The following GPR19 variants were observed in gnomAD, a reference collection of about 807,000 sequenced individuals.
The protein encoded by GPR19 is probable G protein-coupled receptor 19.
Under a neutral mutation model 28.5 loss-of-function variants are expected in GPR19, and 14 were observed. The ratio of observed to expected loss-of-function variants is 0.49; its 90% CI spans 0.32 to 0.77. The LOEUF (loss-of-function observed/expected upper bound fraction) is 0.77, where lower values mean the gene tolerates loss of function less well. Ranked by LOEUF, GPR19 falls within the 30% of genes least tolerant of loss-of-function variation. The probability of loss-of-function intolerance (pLI) is 0.03; values close to 1 mark genes in which losing one functional copy is unlikely to be tolerated. For missense variants in GPR19, 409 were observed against 504.1 expected, an observed-to-expected ratio of 0.81 and a Z score of 1.81; for synonymous variants, 173 against 184.1, an observed-to-expected ratio of 0.94 and a Z score of 0.49.
At chr12:12,663,603 G>A (rs1945714835) in intron 3 of GPR19, among the ~76,000 whole-genome samples, 2 of 152,054 alleles carry the variant, frequency 1.3e-5, no homozygotes, top group South Asian at 2.1e-4. Context: ...AAATAGTTGT[G>A]GGTCATTCAA....
At chr12:12,668,629 T>C (rs938714495) in intron 3 of GPR19, among the ~76,000 whole-genome samples, 1 of 151,784 alleles carries the variant, frequency 6.6e-6, no homozygotes, top group African/African-American at 2.4e-5. Context: ...TTTAAAAATT[T>C]AATGTCAAAC....
At position 12,661,019 on chromosome 12, in the gene GPR19, T is replaced by C; in HGVS notation, c.*182A>G. The C allele has an allele frequency of 5.6e-6, 3 of 537,278 alleles. No individual in the cohort carries two copies. The South Asian group carries it at 9.4e-5, about 17-fold the overall frequency. The allele number at this position is 537,278 out of a possible 1,614,324, so 33.3% of individuals were successfully genotyped here. A position where few individuals can be genotyped will look rare whatever the true frequency, so the allele number is the denominator to read the frequency against. On this transcript the variant is annotated 3_prime_UTR_variant, in exon 4 of 4. Transcript: ENST00000651487. This position sits in a 1 kb window ranked among gnomAD's most constrained non-coding sequence, Gnocchi z 4.2. Reference sequence around the variant, plus strand: ...GGCTAAAGTTCAAAGTGAACGCTTTTCCTAAAACATAAAAAGCAAGTAAAA... The same window carrying C: ...GGCTAAAGTTCAAAGTGAACGCTTTCCCTAAAACATAAAAAGCAAGTAAAA...
At chr12:12,685,283 G>T (rs967327078) in intron 2 of GPR19, among the ~76,000 whole-genome samples, 8 of 100,662 alleles carry the variant, frequency 7.9e-5, no homozygotes, top group South Asian at 3.3e-4. Flanking sequence ...TTTTTTTGGT[G>T]GGGGGGAGGG....
chr12:12,670,045 A>G (rs1355011111), intron 3 of GPR19, among the ~76,000 whole-genome samples: 1 of 152,156 alleles, frequency 6.6e-6, no homozygotes, highest in Non-Finnish European at 1.5e-5. Context: ...AAAGACTGAT[A>G]TGAACATTAG....
chr12:12,675,654 G>A (rs1314639176), intron 3 of GPR19, among the ~76,000 whole-genome samples: 3 of 152,156 alleles, frequency 2.0e-5, no homozygotes, highest in Non-Finnish European at 4.4e-5. Context: ...GAATTGACAT[G>A]CTATTGCAGG....
intron 2 of GPR19, among the ~76,000 whole-genome samples, chr12:12,693,768 T>G (rs555298048): frequency 2.6e-5 from 4 of 152,208 alleles, no homozygotes; most frequent in Non-Finnish European, 5.9e-5. Context: ...AGTGGCACGA[T>G]CTCGGCTGAC....
chr12:12,685,112 C>G (rs546359551), intron 2 of GPR19: 1 of 152,234 alleles, frequency 6.6e-6, no homozygotes, highest in South Asian at 2.1e-4. Context: ...TAAACCACAC[C>G]ATATGTTTAG....
chr12:12,680,099 C>T (rs997753430), intron 3 of GPR19, among the ~76,000 whole-genome samples: 5 of 151,978 alleles, frequency 3.3e-5, no homozygotes, highest in Non-Finnish European at 7.4e-5. Flanking sequence ...TTTTCATTAT[C>T]CTTTTATACT....
intron 3 of GPR19, chr12:12,669,035 A>C (rs1340050358): frequency 6.6e-6 from 1 of 152,224 alleles, no homozygotes; most frequent in African/African-American, 2.4e-5. Context: ...TCAGAGAGTC[A>C]AATTGGCTGT....
chr12:12,709,170 T>C, the GPR19 span, among the ~76,000 whole-genome samples: 12 of 152,130 alleles, frequency 7.9e-5, no homozygotes, highest in African/African-American at 2.9e-4. Context: ...CACAGTGCTA[T>C]AGAACGTAAA....
chr12:12,716,858 C>A, the GPR19 span: 17 of 984,356 alleles, frequency 1.7e-5, no homozygotes, highest in Admixed American at 7.4e-4. Context: ...CCAGCCCCCC[C>A]AGCAAACGCT....
At chr12:12,694,563 C>T (rs1283697681) in intron 2 of GPR19, among the ~76,000 whole-genome samples, 2 of 152,106 alleles carry the variant, frequency 1.3e-5, no homozygotes, top group Non-Finnish European at 2.9e-5. Context: ...ATGCACAGAG[C>T]ATCCACAATT....
rs529269230 is a variant in GPR19 at position 12,690,448 on chromosome 12, A to G, written c.-180+5011T>C. 7.9e-5 allele frequency among the ~76,000 whole-genome samples: 12 copies of G among 152,310 alleles called. No homozygotes were observed. In the East Asian group the frequency reaches 2.1e-3, roughly 27 times the overall value. On this transcript the variant is annotated intron_variant, in intron 2 of 3. Transcript: ENST00000651487. ...AAGTGCAGGGAAATCAAGAACAAAA[A>G]GTGGCAGCCAGACGTTAGATTAGAC... is the stretch of plus-strand genomic sequence containing the variant.
chr12:12,705,875 TAAGAA>T, the GPR19 span, among the ~76,000 whole-genome samples: 1 of 152,064 alleles, frequency 6.6e-6, no homozygotes, highest in Non-Finnish European at 1.5e-5. Context: ...TTATGACAGT[TAAGAA>T]AAGATATTGA....
chr12:12,700,420 C>A (rs1308984032), upstream of GPR19, among the ~76,000 whole-genome samples: 1 of 152,122 alleles, frequency 6.6e-6, no homozygotes, highest in Non-Finnish European at 1.5e-5. Flanking sequence ...TATGATGTTG[C>A]AGACTTCCCT....
At chr12:12,671,167 G>A (rs1478628950) in intron 3 of GPR19, among the ~76,000 whole-genome samples, 1 of 151,790 alleles carries the variant, frequency 6.6e-6, no homozygotes, top group African/African-American at 2.4e-5. Context: ...TTAGCCGGGT[G>A]TGGCGGCTGG....
chr12:12,691,424 G>A (rs1233213393), intron 2 of GPR19, among the ~76,000 whole-genome samples: 1 of 152,030 alleles, frequency 6.6e-6, no homozygotes, highest in South Asian at 2.1e-4. Flanking sequence ...TATTGCCTCC[G>A]TGGCTTAGAC....
At chr12:12,672,978 T>C (rs1945875925) in intron 3 of GPR19, among the ~76,000 whole-genome samples, 1 of 151,872 alleles carries the variant, frequency 6.6e-6, no homozygotes. Flanking sequence ...GCTAAACAAA[T>C]AAAAATGTCA....
Position 12,684,416 on chromosome 12 carries a change from T to G in GPR19, c.-88A>C, listed in dbSNP as rs889072602. On this transcript the variant is annotated 5_prime_UTR_variant, in exon 3 of 4. It removes an upstream start codon present in the reference 5' UTR. Transcript: ENST00000651487. ...TTCTTGGTCAGGAATAGCCCTTGCA[T>G]AGGAGTTTGGAGAATGCCATAAACC... 6.6e-6 allele frequency: 1 copy of G among 152,266 alleles called. No individual in the cohort carries two copies. Among genetic ancestry groups the G allele is most frequent in the Non-Finnish European group, 1.5e-5 (1 of 68,074 alleles). 9.4% of individuals were successfully genotyped at this position (152,266 alleles called of 1,614,324 possible).
Sources: allele counts gnomAD v4.1 joint callset (sites outside exome capture counted in the v4.1 genomes callset), GRCh38; gene constraint gnomAD v4.1.1; non-coding constraint Gnocchi (gnomAD v3.1); transcripts MANE v1.5; gene names NCBI Gene and HGNC (gene_info 2026-07-23, HGNC 2026-07-21).